Variants in C8orf34 observed in about 807,000 individuals in gnomAD.
C8orf34 encodes the protein uncharacterized protein C8orf34.
A neutral mutation model predicts 68.3 loss-of-function variants in C8orf34; 65 were observed. The ratio of observed to expected loss-of-function variants is 0.95; its 90% CI spans 0.78 to 1.17. The LOEUF is 1.17. C8orf34 is among the 50% of genes most tolerant of loss of function. The pLI is 0.00. For synonymous variants in C8orf34, 244 were observed against 241.2 expected (o/e 1.01, Z -0.11); for missense variants, 664 against 655.4 (o/e 1.01, Z -0.14).
In C8orf34 at chr8:68,575,956, G is replaced by GGTTTTTTTTTTTTTTTTTTTTTTTT. The variant is rs747862590; in HGVS notation, c.1105+42807_1105+42808insGTTTTTTTTTTTTTTTTTTTTTTTT. 4.2e-5 allele frequency among the ~76,000 whole-genome samples: 4 copies of GGTTTTTTTTTTTTTTTTTTTTTTTT among 96,348 alleles called. 1 individual carries two copies. Among genetic ancestry groups the GGTTTTTTTTTTTTTTTTTTTTTTTT allele is most frequent in the African/African-American group, 3.6e-5 (1 of 28,002 alleles). The allele number at this position is 96,348 out of a possible 152,430, so 63.2% of individuals were successfully genotyped here. On this transcript the variant is annotated intron_variant, in intron 7 of 13. Transcript: ENST00000518698. Reference sequence around the variant, plus strand: ...GCTGACATAATGCTAGTAGATGGTTGTTTTTTTTTTTTTTTTTTTTTGCCT... The same window carrying GGTTTTTTTTTTTTTTTTTTTTTTTT: ...GCTGACATAATGCTAGTAGATGGTTGGTTTTTTTTTTTTTTTTTTTTTTTTTTTTTTTTTTTTTTTTTTTTTGCCT...
intron 1 of C8orf34, among the ~76,000 whole-genome samples, chr8:68,386,614 G>A (rs1446178754): frequency 6.6e-6 from 1 of 152,096 alleles, no homozygotes; most frequent in Admixed American, 6.6e-5. Context: ...CTGTCCTTGG[G>A]TAACTGCTAG....
At chr8:68,528,892 TG>T (rs536347801) in intron 6 of C8orf34, among the ~76,000 whole-genome samples, 66 of 152,336 alleles carry the variant, frequency 4.3e-4, no homozygotes, top group African/African-American at 1.5e-3. Context: ...TCTGTGCACC[TG>T]GCTTATCTGT....
intron 8 of C8orf34, among the ~76,000 whole-genome samples, chr8:68,654,235 C>T (rs925578754): frequency 3.3e-5 from 5 of 152,020 alleles, no homozygotes; most frequent in African/African-American, 4.8e-5. Context: ...CCAAATCTGC[C>T]GCCACCTTGA....
intron 10 of C8orf34, among the ~76,000 whole-genome samples, chr8:68,761,247 G>C (rs886911880): frequency 1.3e-5 from 2 of 152,138 alleles, no homozygotes; most frequent in African/African-American, 4.8e-5. Context: ...AGAACTTTAG[G>C]AAGAGACCAC....
chr8:68,515,806 C>T (rs1305252840), intron 5 of C8orf34, among the ~76,000 whole-genome samples: 1 of 152,178 alleles, frequency 6.6e-6, no homozygotes, highest in Non-Finnish European at 1.5e-5. Context: ...CTCTTTTCAA[C>T]AGCTGATGTG....
At chr8:68,506,548 TG>T (rs997353298) in intron 5 of C8orf34, among the ~76,000 whole-genome samples, 1 of 152,186 alleles carries the variant, frequency 6.6e-6, no homozygotes, top group African/African-American at 2.4e-5. Flanking sequence ...GATTTTTTTT[TG>T]CCCATTTTTA....
chr8:68,448,764 G>A (rs1436966260), intron 3 of C8orf34, among the ~76,000 whole-genome samples: 4 of 152,010 alleles, frequency 2.6e-5, no homozygotes, highest in Non-Finnish European at 1.5e-5. Context: ...ACTGAATAAA[G>A]AGTATAGATT....
At chr8:68,694,459 T>A (rs1820771202) in intron 8 of C8orf34, among the ~76,000 whole-genome samples, 1 of 152,102 alleles carries the variant, frequency 6.6e-6, no homozygotes, top group Non-Finnish European at 1.5e-5. Flanking sequence ...ATATCCAGAA[T>A]ATAAATTATG....
At chr8:68,582,809 TC>T (rs1817104696) in intron 7 of C8orf34, among the ~76,000 whole-genome samples, 1 of 151,910 alleles carries the variant, frequency 6.6e-6, no homozygotes, top group Non-Finnish European at 1.5e-5. Context: ...GTCACATACA[TC>T]CATAGGAGAC....
chr8:68,612,346 T>C (rs1254424327), intron 7 of C8orf34, among the ~76,000 whole-genome samples: 1 of 152,034 alleles, frequency 6.6e-6, no homozygotes, highest in Non-Finnish European at 1.5e-5. Context: ...GTTAAACAAC[T>C]TGCCCCAAAT....
At chr8:68,639,598 T>C (rs1340219790) in intron 7 of C8orf34, among the ~76,000 whole-genome samples, 3 of 152,166 alleles carry the variant, frequency 2.0e-5, no homozygotes, top group African/African-American at 7.2e-5. Context: ...CTTTTGAAAC[T>C]TTATGTATCT....
At chr8:68,780,940 A>T (rs572858571) in intron 11 of C8orf34, among the ~76,000 whole-genome samples, 30 of 152,354 alleles carry the variant, frequency 2.0e-4, no homozygotes, top group Middle Eastern at 3.4e-3. Flanking sequence ...AGTCCATTAC[A>T]TGTATCCAGA....
Position 68,721,358 on chromosome 8 carries a change from T to G in C8orf34, c.1328-3T>G. 1 of 1,594,110 alleles carries G rather than the reference T, an allele frequency of 6.3e-7. No individual in the cohort carries two copies. The highest frequency in any genetic ancestry group is 8.6e-7 in the Non-Finnish European group (1 of 1,166,056). ...TTTATTCATTTTTTAAAAATAAAAA[T>G]AGATTCCTTGCCTGGGACTGAAGAA... On this transcript the variant is annotated splice_region_variant and splice_polypyrimidine_tract_variant and intron_variant, in intron 9 of 13. Transcript: ENST00000518698.
At chr8:68,814,485 T>A (rs1824748872) in intron 12 of C8orf34, among the ~76,000 whole-genome samples, 1 of 152,220 alleles carries the variant, frequency 6.6e-6, no homozygotes, top group Non-Finnish European at 1.5e-5. Context: ...TTCACCAAGT[T>A]CTCCAGCTGT....
At position 68,441,487 on chromosome 8, in the gene C8orf34, CTTCTTCCTTCT is replaced by C. The variant is rs1810908730; in HGVS notation, c.475+1848_475+1858del. Among the ~76,000 whole-genome samples, 6 of 151,072 alleles carry C rather than the reference CTTCTTCCTTCT, an allele frequency of 4.0e-5. No homozygotes were observed. In the South Asian group the frequency reaches 1.2e-3, roughly 31 times the overall value. ...CTCCTCCTCCATCTTCTTCATCTTC[CTTCTTCCTTCT>C]TTCTTCTTCTTTAAAATGGAGTTGG... is the stretch of plus-strand genomic sequence containing the variant. On this transcript the variant is annotated intron_variant, in intron 2 of 13. Transcript: ENST00000518698.
intron 8 of C8orf34, among the ~76,000 whole-genome samples, chr8:68,667,941 G>A (rs1026341921): frequency 6.6e-6 from 1 of 151,868 alleles, no homozygotes; most frequent in Non-Finnish European, 1.5e-5. Context: ...CTTTAATTCA[G>A]AAAAATAAAA....
chr8:68,465,945 G>A (rs1284807406), intron 3 of C8orf34, among the ~76,000 whole-genome samples: 1 of 145,168 alleles, frequency 6.9e-6, no homozygotes, highest in Non-Finnish European at 1.5e-5. Context: ...AAAACTTAAA[G>A]TATAATAAAA....
At chr8:68,351,568 T>A (rs992427784) in intron 1 of C8orf34, among the ~76,000 whole-genome samples, 4 of 152,068 alleles carry the variant, frequency 2.6e-5, no homozygotes, top group Non-Finnish European at 5.9e-5. Context: ...AATTGCTTGT[T>A]TTCTCTCCCT....
intron 8 of C8orf34, among the ~76,000 whole-genome samples, chr8:68,676,171 A>C (rs1323915242): frequency 1.3e-5 from 2 of 152,010 alleles, no homozygotes; most frequent in South Asian, 2.1e-4. Context: ...CCATCTCTAC[A>C]AAAAACAGAA....
Sources: gnomAD v4.1 joint callset for allele counts (sites outside exome capture counted in the v4.1 genomes callset) on GRCh38, gnomAD v4.1.1 for gene constraint, MANE v1.5 for transcripts, NCBI Gene and HGNC (gene_info 2026-07-23, HGNC 2026-07-21) for gene names.